Variants in PDXDC1 observed in about 807,000 individuals in gnomAD.
The protein encoded by PDXDC1 is pyridoxal-dependent decarboxylase domain-containing protein 1.
A neutral mutation model predicts 100.1 loss-of-function variants in PDXDC1; 42 were observed. The observed-to-expected ratio is 0.42, with a 90% CI of 0.33 to 0.54. The LOEUF is 0.54. Ranked by LOEUF, PDXDC1 falls within the 20% of genes least tolerant of loss-of-function variation. The pLI, the probability that PDXDC1 is intolerant of heterozygous loss-of-function variation, is 0.10. For synonymous variants in PDXDC1, 260 were observed against 371.7 expected (o/e 0.70, Z 3.46); for missense variants, 636 against 979.2 (o/e 0.65, Z 4.68).
At chr16:15,145,947 T>C in the PDXDC1 span, among the ~76,000 whole-genome samples, 1 of 152,154 alleles carries the variant, frequency 6.6e-6, no homozygotes. Context: ...CTCCAAAGTA[T>C]GTTCCTCGCT....
intron 16 of PDXDC1, among the ~76,000 whole-genome samples, chr16:15,075,259 A>G (rs2045402863): frequency 6.6e-6 from 1 of 151,656 alleles, no homozygotes. Flanking sequence ...CCAAAAAAAA[A>G]AAAAAAAAAC....
chr16:15,074,969 G>A (rs890761075), intron 16 of PDXDC1: 1 of 1,148,392 alleles, frequency 8.7e-7, no homozygotes, highest in Non-Finnish European at 1.2e-6. Context: ...AAACAAAGAG[G>A]CTGGGGAAAG....
In PDXDC1 at chr16:15,022,760, G is replaced by A. The variant is rs373011271; in HGVS notation, c.1140+6G>A. On this transcript the variant is annotated splice_donor_region_variant and intron_variant, in intron 13 of 22. Coordinates refer to ENST00000396410, the MANE Select transcript of PDXDC1 (RefSeq NM_015027.4). ...TGAATTACATCAAAATCTTGGTATA[G>A]TATATAAGTTCATCTGTTTTCAAAA... 5.0e-6 allele frequency: 8 copies of A among 1,604,094 alleles called. No homozygotes were observed. Among genetic ancestry groups the A allele is most frequent in the Admixed American group, 1.7e-5 (1 of 58,624 alleles).
rs1354505496 is a variant in PDXDC1 at position 15,083,413 on chromosome 16, AAAAG to A, written c.1399+53363_1399+53366del. ...GACTCGGTCTCAAAAAAGAAAAAGA[AAAAG>A]AAAGACTGGAAAAGAAAGAAAAAGA... On this transcript the variant is annotated intron_variant, in intron 16 of 16. Coordinates refer to the PDXDC1 transcript ENST00000535621. The A allele has an allele frequency of 1.6e-5, 25 of 1,538,544 alleles. No homozygotes were observed. The African/African-American group carries it at 2.1e-4, about 13-fold the overall frequency.
chr16:14,984,659 G>A (rs1448786093), intron 1 of PDXDC1, among the ~76,000 whole-genome samples: 2 of 151,800 alleles, frequency 1.3e-5, no homozygotes. Flanking sequence ...CCACGCCCAG[G>A]TAATTTTTTG....
chr16:15,132,936 G>C (rs1485795173), intron 16 of PDXDC1: 4 of 1,578,164 alleles, frequency 2.5e-6, no homozygotes, highest in Non-Finnish European at 3.4e-6. Flanking sequence ...GAGGCCAGCA[G>C]ATGCCCACGA....
At chr16:15,136,168 A>G (rs899739766) in intron 16 of PDXDC1, 14 of 996,324 alleles carry the variant, frequency 1.4e-5, no homozygotes, top group Non-Finnish European at 2.1e-5. Flanking sequence ...GGCTCAGGGC[A>G]CTCCTCCATC....
intron 16 of PDXDC1, among the ~76,000 whole-genome samples, chr16:15,069,803 T>C (rs1011158280): frequency 2.6e-5 from 4 of 152,178 alleles, no homozygotes; most frequent in Non-Finnish European, 4.4e-5. Context: ...TCTGGAGACA[T>C]CTTCACATTT....
At chr16:15,045,521 C>T (rs2044023223) in intron 16 of PDXDC1, 1 of 152,252 alleles carries the variant, frequency 6.6e-6, no homozygotes, top group Non-Finnish European at 1.5e-5. Context: ...CCTCTATTCC[C>T]AGCTACGCGG....
At chr16:15,135,651 G>C in intron 16 of PDXDC1, 1 of 1,591,352 alleles carries the variant, frequency 6.3e-7, no homozygotes, top group South Asian at 1.1e-5. Flanking sequence ...GCACTGACCT[G>C]TGTCGAAGCC....
downstream of PDXDC1, among the ~76,000 whole-genome samples, chr16:15,141,942 G>A (rs370397458): frequency 6.6e-6 from 1 of 152,146 alleles, no homozygotes; most frequent in East Asian, 1.9e-4. Flanking sequence ...AATGCTTTAG[G>A]GAGAATGAGG....
intron 16 of PDXDC1, among the ~76,000 whole-genome samples, chr16:15,059,314 A>G (rs1317170370): frequency 6.6e-6 from 1 of 152,168 alleles, no homozygotes; most frequent in Non-Finnish European, 1.5e-5. Flanking sequence ...CCTCCTCTCC[A>G]GTTCAGATCT....
chr16:14,976,116 G>A (rs1348186739), intron 1 of PDXDC1, among the ~76,000 whole-genome samples: 3 of 152,286 alleles, frequency 2.0e-5, no homozygotes, highest in South Asian at 4.1e-4. Flanking sequence ...CTTGTAAATG[G>A]AAACCAGTTT....
intron 8 of PDXDC1, among the ~76,000 whole-genome samples, chr16:15,011,875 G>C (rs2041327776): frequency 6.6e-6 from 1 of 152,258 alleles, no homozygotes; most frequent in Admixed American, 6.5e-5. Flanking sequence ...TGTTGGCCAG[G>C]CTGGTCTCAA....
intron 16 of PDXDC1, among the ~76,000 whole-genome samples, chr16:15,096,320 G>T (rs901074309): frequency 3.3e-5 from 5 of 152,064 alleles, no homozygotes; most frequent in African/African-American, 1.2e-4. Flanking sequence ...TGTTGGCCAG[G>T]CTGGTCTCAA....
chr16:15,131,498 G>A lies in PDXDC1; in HGVS notation c.1400-7381G>A, dbSNP rs529996460. 959 of 1,607,342 alleles carry A rather than the reference G, an allele frequency of 6.0e-4. 1 individual carries two copies. Among genetic ancestry groups the A allele is most frequent in the Non-Finnish European group, 7.5e-4 (878 of 1,177,734 alleles). On this transcript the variant is annotated intron_variant, in intron 16 of 16. Coordinates refer to the PDXDC1 transcript ENST00000535621. ...GCGCCGCCATAGCACAGCAGGCTCCGCGGGTCCGAGCGCTTGCCCTGGGCC... is the reference window on the plus strand; with the variant it reads ...GCGCCGCCATAGCACAGCAGGCTCCACGGGTCCGAGCGCTTGCCCTGGGCC...
At position 14,975,192 on chromosome 16, in the gene PDXDC1, C is replaced by G; in HGVS notation, c.-8C>G. ...GGGACCGCCAGGCCACCACCGGCCG[C>G]CTCAGCCATGGACGCGTCCCTGGAG... On this transcript the variant is annotated 5_prime_UTR_variant, in exon 1 of 23. Transcript: ENST00000396410. The G allele has an allele frequency of 2.1e-6, 3 of 1,448,974 alleles. No individual in the cohort carries two copies. Among genetic ancestry groups the G allele is most frequent in the Non-Finnish European group, 2.7e-6 (3 of 1,111,352 alleles). 89.8% of individuals were successfully genotyped at this position (1,448,974 alleles called of 1,614,324 possible).
chr16:15,131,511 C>G (rs570853810), intron 16 of PDXDC1: 6 of 1,608,770 alleles, frequency 3.7e-6, no homozygotes, highest in East Asian at 2.2e-5. Context: ...GGTCCGAGCG[C>G]TTGCCCTGGG....
chr16:15,126,980 G>C (rs1246721372), intron 16 of PDXDC1: 6 of 329,028 alleles, frequency 1.8e-5, no homozygotes, highest in Non-Finnish European at 3.5e-5. Flanking sequence ...TTATATAGAT[G>C]TGGTCTTGCT....
Sources: allele counts gnomAD v4.1 joint callset (sites outside exome capture counted in the v4.1 genomes callset), GRCh38; gene constraint gnomAD v4.1.1; transcripts MANE v1.5; gene names NCBI Gene and HGNC (gene_info 2026-07-23, HGNC 2026-07-21).